The following PTPRM variants were observed in gnomAD, a reference collection of about 807,000 sequenced individuals.
The protein encoded by PTPRM is protein tyrosine phosphatase receptor type M.
Under a neutral mutation model 186.7 loss-of-function variants are expected in PTPRM, and 47 were observed. The observed-to-expected ratio is 0.25, with a 90% CI of 0.20 to 0.32. The LOEUF is 0.32. Ranked by LOEUF, PTPRM falls within the 10% of genes least tolerant of loss-of-function variation. The pLI is 1.00. For synonymous variants in PTPRM, 668 were observed against 674.9 expected (o/e 0.99, Z 0.16); for missense variants, 1,494 against 1,865.0 (o/e 0.80, Z 3.66).
chr18:8,406,013 A>C, intron 32 of PTPRM, 96 bp from the exon 33 acceptor site: 1 of 1,048,226 alleles, frequency 9.5e-7, no homozygotes, highest in Non-Finnish European at 1.5e-6. Context: ...TCCCAGATTG[A>C]TGTCTTCCCA....
intron 31 of PTPRM, among the ~76,000 whole-genome samples, chr18:8,391,527 A>G (rs1234458814): frequency 6.6e-6 from 1 of 152,240 alleles, no homozygotes; most frequent in Non-Finnish European, 1.5e-5. Context: ...CACAAAGCTG[A>G]AAAACAGGCA....
chr18:7,763,968 A>C (rs1293212427), intron 1 of PTPRM, among the ~76,000 whole-genome samples: 1 of 151,016 alleles, frequency 6.6e-6, no homozygotes, highest in African/African-American at 2.4e-5. Flanking sequence ...TTTTTTAATT[A>C]ATTTCCTGGG....
chr18:8,098,333 T>C (rs1266582647), intron 11 of PTPRM, among the ~76,000 whole-genome samples: 1 of 152,172 alleles, frequency 6.6e-6, no homozygotes, highest in African/African-American at 2.4e-5. Context: ...ATAATTTAGT[T>C]TTTGAATATC....
chr18:7,632,070 T>G (rs1330400135), intron 1 of PTPRM, among the ~76,000 whole-genome samples: 1 of 152,220 alleles, frequency 6.6e-6, no homozygotes, highest in African/African-American at 2.4e-5. Context: ...CAGAACTAAA[T>G]AGCCTAAGTA....
At chr18:8,229,876 TG>T (rs1380590791) in intron 14 of PTPRM, among the ~76,000 whole-genome samples, 5 of 150,696 alleles carry the variant, frequency 3.3e-5, no homozygotes, top group African/African-American at 1.2e-4. Context: ...GACAGTTACT[TG>T]CTGAAGAGAT....
chr18:8,245,795 A>T (rs764803247), intron 15 of PTPRM, among the ~76,000 whole-genome samples: 57 of 152,312 alleles, frequency 3.7e-4, no homozygotes, highest in Non-Finnish European at 6.8e-4. Flanking sequence ...AGAATCACTC[A>T]TCCCAAAAGC....
At chr18:7,650,857 A>C in intron 1 of PTPRM, among the ~76,000 whole-genome samples, 1 of 152,104 alleles carries the variant, frequency 6.6e-6, no homozygotes, top group East Asian at 1.9e-4. Flanking sequence ...TTCTACAAAA[A>C]CCAACTCTAA....
chr18:7,891,113 C>CA (rs11294604), intron 3 of PTPRM, among the ~76,000 whole-genome samples: 216 of 128,438 alleles, frequency 1.7e-3, no homozygotes, highest in Non-Finnish European at 2.4e-3. Context: ...CCAGTGTCTC[C>CA]AAAAAAAAAA....
chr18:8,246,994 G>A (rs2094482935), intron 15 of PTPRM, among the ~76,000 whole-genome samples: 1 of 152,152 alleles, frequency 6.6e-6, no homozygotes, highest in Non-Finnish European at 1.5e-5. Flanking sequence ...AACTACATCA[G>A]AGGAGTTACA....
intron 19 of PTPRM, among the ~76,000 whole-genome samples, chr18:8,269,663 T>C (rs1050268818): frequency 6.6e-6 from 1 of 152,118 alleles, no homozygotes; most frequent in South Asian, 2.1e-4. Flanking sequence ...ATCAAATTAG[T>C]ATGATCCTAG....
At chr18:7,996,852 A>C (rs1029791616) in intron 7 of PTPRM, among the ~76,000 whole-genome samples, 1 of 151,992 alleles carries the variant, frequency 6.6e-6, no homozygotes, top group Non-Finnish European at 1.5e-5. Context: ...AGTTTTCTAC[A>C]GTGAAACCTC....
chr18:8,313,979 C>T (rs2095289002), intron 20 of PTPRM, among the ~76,000 whole-genome samples: 2 of 152,026 alleles, frequency 1.3e-5, no homozygotes, highest in Admixed American at 6.6e-5. Flanking sequence ...AGCCAGACCC[C>T]ATTTCTGAAA....
intron 7 of PTPRM, 40 bp downstream of exon 7, chr18:7,955,454 T>C (rs547577761): frequency 6.4e-7 from 1 of 1,574,494 alleles, no homozygotes; most frequent in East Asian, 2.2e-5. Flanking sequence ...TCATTGTCTT[T>C]CCTGGTGTTG....
chr18:8,208,006 T>G (rs1225010986), intron 14 of PTPRM, among the ~76,000 whole-genome samples: 1 of 152,146 alleles, frequency 6.6e-6, no homozygotes, highest in African/African-American at 2.4e-5. Context: ...AAAGAAAACT[T>G]TAAGCATTCT....
At chr18:8,191,813 A>G (rs945536452) in intron 14 of PTPRM, among the ~76,000 whole-genome samples, 2 of 152,188 alleles carry the variant, frequency 1.3e-5, no homozygotes, top group South Asian at 2.1e-4. Context: ...TATCCCAGAA[A>G]TAAATAGAAT....
intron 1 of PTPRM, among the ~76,000 whole-genome samples, chr18:7,585,196 AC>A (rs1420011393): frequency 1.3e-5 from 2 of 152,250 alleles, no homozygotes; most frequent in African/African-American, 4.8e-5. Flanking sequence ...GCCTTTAGGC[AC>A]TATTCAGGTT....
At chr18:8,303,063 G>T (rs1018167233) in intron 20 of PTPRM, among the ~76,000 whole-genome samples, 16 of 152,152 alleles carry the variant, frequency 1.1e-4, no homozygotes, top group Non-Finnish European at 1.5e-5. Context: ...CCATTGGCAG[G>T]AGGAGGTGAT....
intron 2 of PTPRM, among the ~76,000 whole-genome samples, chr18:7,873,610 A>G (rs1181544566): frequency 6.6e-6 from 1 of 152,144 alleles, no homozygotes; most frequent in African/African-American, 2.4e-5. Flanking sequence ...ACCACCACCA[A>G]AAGGAGGGAG....
intron 1 of PTPRM, among the ~76,000 whole-genome samples, chr18:7,630,540 C>T (rs747607838): frequency 3.3e-5 from 5 of 152,000 alleles, no homozygotes; most frequent in Admixed American, 6.6e-5. Flanking sequence ...GTCACTTACG[C>T]GCAACGTGGA....
Sources: gnomAD v4.1 joint callset for allele counts (sites outside exome capture counted in the v4.1 genomes callset) on GRCh38, gnomAD v4.1.1 for gene constraint, MANE v1.5 for transcripts, NCBI Gene and HGNC (gene_info 2026-07-23, HGNC 2026-07-21) for gene names.